BTBD16: variants seen among roughly 807,000 people sequenced by gnomAD.
The protein encoded by BTBD16 is BTB/POZ domain-containing protein 16.
In BTBD16, 66 loss-of-function variants were observed where a neutral mutation model predicts 67.4. The observed-to-expected ratio is 0.98, with a 90% CI of 0.80 to 1.20. The LOEUF (loss-of-function observed/expected upper bound fraction) is 1.20. Among genes scored for constraint, BTBD16 ranks in the 50% most tolerant of loss-of-function variants. The pLI, the probability that BTBD16 is intolerant of heterozygous loss-of-function variation, is 0.00. For missense variants in BTBD16, 634 were observed against 616.0 expected, an observed-to-expected ratio of 1.03 and a Z score of -0.31; for synonymous variants, 242 against 236.4, an observed-to-expected ratio of 1.02 and a Z score of -0.22.
At chr10:122,274,963 A>G in intron 1 of BTBD16, 77 bp from the exon 2 acceptor site, 5 of 950,176 alleles carry the variant, frequency 5.3e-6, no homozygotes, top group East Asian at 2.4e-5. Flanking sequence ...GGCAAAGTAT[A>G]GATTCTTTAG....
intron 10 of BTBD16, among the ~76,000 whole-genome samples, chr10:122,319,533 T>C (rs1195494738): frequency 1.3e-5 from 2 of 152,188 alleles, no homozygotes. Context: ...ATCAACCATA[T>C]GTGTGTGTTT....
At chr10:122,307,049 A>G in intron 9 of BTBD16, 140 bp from the exon 10 acceptor site, 1 of 927,638 alleles carries the variant, frequency 1.1e-6, no homozygotes, top group Non-Finnish European at 1.6e-6. Context: ...TAAGCTGTTT[A>G]CCTGCTTGAT....
At chr10:122,310,888 G>A (rs2096412583) in intron 10 of BTBD16, among the ~76,000 whole-genome samples, 2 of 152,158 alleles carry the variant, frequency 1.3e-5, no homozygotes, top group African/African-American at 4.8e-5. Context: ...AAGAAGCTGA[G>A]CAGCAACTGC....
At chr10:122,323,889 C>G (rs2096439749) in intron 10 of BTBD16, among the ~76,000 whole-genome samples, 1 of 152,148 alleles carries the variant, frequency 6.6e-6, no homozygotes, top group South Asian at 2.1e-4. Context: ...ACTCTTAGCT[C>G]TTAGGATCAA....
rs762055536 is a variant in BTBD16 at position 122,286,135 on chromosome 10, G to A, written c.272G>A (p.Trp91Ter). 3 of 1,613,738 alleles carry A rather than the reference G, an allele frequency of 1.9e-6. No homozygotes were observed. Among genetic ancestry groups the A allele is most frequent in the Non-Finnish European group, 2.5e-6 (3 of 1,179,730 alleles). The change falls in exon 5 of 16, where the codon TGG (tryptophan) becomes TAG (stop). Residue 91 changes from tryptophan to a stop codon, truncating the protein, a stop_gained. Transcript: ENST00000260723. LOFTEE classifies it high-confidence loss of function. ...ATTCTCGAGTGCCTGGGCTTCAAAT[G>A]GGAGCTCCATCAGCCCCAGCTTTTT... ...DVILECLGFK[W>*]ELHQPQLFQS... is the part of the protein sequence containing the mutation.
chr10:122,296,797 T>C (rs1443635247), intron 7 of BTBD16, among the ~76,000 whole-genome samples: 1 of 152,170 alleles, frequency 6.6e-6, no homozygotes, highest in Admixed American at 6.5e-5. Flanking sequence ...GAGGAGGTGA[T>C]GCTGGAGCTG....
intron 3 of BTBD16, 92 bp from the exon 4 acceptor site, chr10:122,283,759 T>A: frequency 2.1e-6 from 2 of 972,062 alleles, no homozygotes; most frequent in South Asian, 2.8e-5. Context: ...AATGGGTGCT[T>A]TAAGGACATT....
chr10:122,297,537 T>A (rs1038547840), intron 7 of BTBD16, among the ~76,000 whole-genome samples: 1 of 152,224 alleles, frequency 6.6e-6, no homozygotes, highest in Non-Finnish European at 1.5e-5. Flanking sequence ...ATAGGGTTAC[T>A]TTGTTTTCTC....
chr10:122,274,341 C>T (rs553960534), intron 1 of BTBD16, among the ~76,000 whole-genome samples: 5 of 152,344 alleles, frequency 3.3e-5, no homozygotes, highest in South Asian at 4.1e-4. Context: ...CCGACTCATG[C>T]TGGAGGCAGC....
intron 10 of BTBD16, among the ~76,000 whole-genome samples, chr10:122,329,017 G>A (rs919932408): frequency 1.3e-5 from 2 of 152,180 alleles, no homozygotes; most frequent in South Asian, 2.1e-4. Context: ...GAAGGGCAGC[G>A]TATGTACAGG....
intron 15 of BTBD16, 53 bp from the exon 16 acceptor site, chr10:122,337,964 C>A: frequency 1.4e-6 from 2 of 1,451,940 alleles, no homozygotes; most frequent in Non-Finnish European, 1.9e-6. Context: ...TTCTGGGGGG[C>A]AATTGTGTTC....
chr10:122,285,381 G>T (rs2096361676), intron 4 of BTBD16, among the ~76,000 whole-genome samples: 1 of 152,150 alleles, frequency 6.6e-6, no homozygotes, highest in South Asian at 2.1e-4. Context: ...AGATGCCCCT[G>T]AAGAAAGTCT....
At chr10:122,281,892 A>C (rs2096353921) in intron 3 of BTBD16, among the ~76,000 whole-genome samples, 1 of 152,070 alleles carries the variant, frequency 6.6e-6, no homozygotes, top group African/African-American at 2.4e-5. Context: ...TGGGGGCGTG[A>C]GCTCCAGCCT....
intron 10 of BTBD16, 107 bp downstream of exon 10, chr10:122,307,415 A>G: frequency 8.1e-7 from 1 of 1,230,898 alleles, no homozygotes; most frequent in Non-Finnish European, 1.1e-6. Flanking sequence ...TTTTCATAGC[A>G]TCATTCAGAG....
intron 10 of BTBD16, among the ~76,000 whole-genome samples, chr10:122,329,130 G>A (rs2096450520): frequency 1.3e-5 from 2 of 152,126 alleles, no homozygotes; most frequent in Admixed American, 6.6e-5. Flanking sequence ...AGAAGTTTGT[G>A]AGACTCAAGT....
chr10:122,308,916 C>T (rs1314720984), intron 10 of BTBD16, among the ~76,000 whole-genome samples: 2 of 152,196 alleles, frequency 1.3e-5, no homozygotes, highest in Non-Finnish European at 2.9e-5. Context: ...CTGCTTCCCC[C>T]AGTCCCTGCC....
intron 7 of BTBD16, chr10:122,294,281 T>G (rs2142071746): frequency 2.2e-6 from 2 of 910,626 alleles, no homozygotes; most frequent in Middle Eastern, 5.6e-4. Context: ...TCTGATAGCA[T>G]CACAACGTTC....
rs1487144165 is a variant in BTBD16, at chr10:122,299,105, C to T, written c.762C>T (p.Asp254=). 2 of 1,613,884 alleles carry T rather than the reference C, an allele frequency of 1.2e-6. No homozygotes were observed. Among genetic ancestry groups the T allele is most frequent in the African/African-American group, 2.7e-5 (2 of 74,934 alleles). Residue 254 remains aspartate, a synonymous_variant, in exon 9 of 16, where the codon GAC becomes GAT. Coordinates refer to ENST00000260723, the MANE Select transcript of BTBD16 (RefSeq NM_144587.5). ...TCCACCTCCACAAAATCCCACAGGA[C>T]CTGCTCCACAAAGTGCTGAAGTCCC... The part of the protein sequence containing the change: ...TQIHLHKIPQ[D]LLHKVLKSPR...
chr10:122,281,994 G>A (rs952183422), intron 3 of BTBD16, among the ~76,000 whole-genome samples: 10 of 152,158 alleles, frequency 6.6e-5, no homozygotes, highest in African/African-American at 1.4e-4. Flanking sequence ...CATGTGTTCC[G>A]TTCACTTTTC....
Sources: allele counts gnomAD v4.1 joint callset (sites outside exome capture counted in the v4.1 genomes callset), GRCh38; gene constraint gnomAD v4.1.1; transcripts MANE v1.5; gene names NCBI Gene and HGNC (gene_info 2026-07-23, HGNC 2026-07-21).